Variants in ADAM19 observed in about 807,000 individuals in gnomAD.
ADAM19 encodes the protein disintegrin and metalloproteinase domain-containing protein 19.
ADAM19 carries 65 observed loss-of-function variants against 114.7 expected under a neutral mutation model. The ratio of observed to expected loss-of-function variants is 0.57; its 90% CI spans 0.46 to 0.70. The LOEUF is 0.70. Among genes scored for constraint, ADAM19 ranks in the 30% least tolerant of loss-of-function variants. The pLI is 0.00. For synonymous variants in ADAM19, 466 were observed against 460.5 expected (o/e 1.01, Z -0.15); for missense variants, 1,063 against 1,204.7 (o/e 0.88, Z 1.74).
At chr5:157,554,421 C>T (rs899049096) in intron 3 of ADAM19, among the ~76,000 whole-genome samples, 1 of 152,234 alleles carries the variant, frequency 6.6e-6, no homozygotes, top group Admixed American at 6.5e-5. Context: ...GGAAGGAGAG[C>T]CGGAACCAGT....
intron 14 of ADAM19, among the ~76,000 whole-genome samples, chr5:157,495,174 TA>T (rs1207442867): frequency 2.0e-5 from 3 of 152,198 alleles, no homozygotes; most frequent in South Asian, 2.1e-4. Context: ...TTTATTTATT[TA>T]TTTTTTTTGT....
intron 5 of ADAM19, among the ~76,000 whole-genome samples, chr5:157,523,449 C>T (rs565581263): frequency 1.4e-4 from 22 of 152,044 alleles, no homozygotes; most frequent in Non-Finnish European, 2.6e-4. Context: ...CTTGGTGCAT[C>T]CTGGTGGTAA....
At position 157,481,007 on chromosome 5, in the gene ADAM19, G is replaced by A. The variant is rs1754729083; in HGVS notation, c.2704-5C>T. On this transcript the variant is annotated splice_region_variant and splice_polypyrimidine_tract_variant and intron_variant, in intron 22 of 22. Transcript: ENST00000257527. Reference sequence around the variant, plus strand: ...CTGTGATCTGTATTCTGGAAACTGGGAAGAAAAAGAAGGGAGGGAGAGAGA... The same window carrying A: ...CTGTGATCTGTATTCTGGAAACTGGAAAGAAAAAGAAGGGAGGGAGAGAGA... The A allele has an allele frequency of 6.2e-7, 1 of 1,613,984 alleles. No individual in the cohort carries two copies. The highest frequency in any genetic ancestry group is 1.1e-5 in the South Asian group (1 of 91,080).
At chr5:157,566,971 A>C (rs955812500) in intron 2 of ADAM19, among the ~76,000 whole-genome samples, 6 of 152,208 alleles carry the variant, frequency 3.9e-5, no homozygotes, top group Non-Finnish European at 5.9e-5. Flanking sequence ...CTCATCCAGC[A>C]GATAAATTCT....
intron 5 of ADAM19, among the ~76,000 whole-genome samples, chr5:157,523,651 G>A (rs907766323): frequency 7.9e-5 from 12 of 152,192 alleles, no homozygotes; most frequent in Non-Finnish European, 1.5e-4. Flanking sequence ...AGATGCTGGT[G>A]TCATGCTTCT....
At position 157,479,869 on chromosome 5, in the gene ADAM19, A is replaced by C; in HGVS notation, c.*1080T>G. The C allele has an allele frequency of 2.0e-6, 2 of 985,672 alleles. No individual in the cohort carries two copies. Among genetic ancestry groups the C allele is most frequent in the Non-Finnish European group, 2.4e-6 (2 of 830,008 alleles). The allele number at this position is 985,672 out of a possible 1,614,324, so 61.1% of individuals were successfully genotyped here. A position where few individuals can be genotyped will look rare whatever the true frequency, so the allele number is the denominator to read the frequency against. ...ACTTTGTAAATAGCTGGGCTCCCTA[A>C]GGGGAAACCTCACCTAGATTTAGCT... On this transcript the variant is annotated 3_prime_UTR_variant, in exon 23 of 23. Coordinates refer to ENST00000257527, the MANE Select transcript of ADAM19 (RefSeq NM_033274.5).
rs1284023577 is a variant in ADAM19, at chr5:157,478,496, C to T, written c.*2453G>A. The T allele has an allele frequency of 4.5e-6, 4 of 879,580 alleles. No individual in the cohort carries two copies. Among genetic ancestry groups the T allele is most frequent in the Non-Finnish European group, 5.5e-6 (4 of 733,656 alleles). 54.5% of individuals were successfully genotyped at this position (879,580 alleles called of 1,614,324 possible). A position where few individuals can be genotyped will look rare whatever the true frequency, so the allele number is the denominator to read the frequency against. On this transcript the variant is annotated 3_prime_UTR_variant, in exon 23 of 23. Transcript: ENST00000257527. The stretch of plus-strand genomic sequence containing the variant: ...TCTCCCTTTTGCAATATTCCCTTTC[C>T]CCTTCTGCAATCGTGCTTTGGAATA...
intron 3 of ADAM19, among the ~76,000 whole-genome samples, 173 bp downstream of exon 3, chr5:157,564,200 G>T (rs909668947): frequency 1.3e-5 from 2 of 152,224 alleles, no homozygotes; most frequent in African/African-American, 4.8e-5. Context: ...CTCACATCGA[G>T]TCAAGAGGCT....
At chr5:157,525,571 C>T (rs1315113915) in intron 5 of ADAM19, among the ~76,000 whole-genome samples, 1 of 152,146 alleles carries the variant, frequency 6.6e-6, no homozygotes, top group African/African-American at 2.4e-5. Flanking sequence ...CTGACCTCAC[C>T]CCCACTGACC....
chr5:157,559,159 T>C (rs1207578158), intron 3 of ADAM19, among the ~76,000 whole-genome samples: 1 of 152,036 alleles, frequency 6.6e-6, no homozygotes, highest in African/African-American at 2.4e-5. Flanking sequence ...GTAGACATAC[T>C]CACAAAAGAA....
intron 6 of ADAM19, 51 bp downstream of exon 6, chr5:157,519,788 G>T (rs757718685): frequency 1.3e-6 from 2 of 1,527,412 alleles, no homozygotes; most frequent in South Asian, 1.2e-5. Flanking sequence ...ACCTCAGAGG[G>T]GACAAGCCTG....
chr5:157,507,193 C>A, intron 9 of ADAM19, 53 bp from the exon 10 acceptor site: 1 of 1,566,072 alleles, frequency 6.4e-7, no homozygotes, highest in South Asian at 1.1e-5. Context: ...GAGGGCTGTT[C>A]CAATGTGCCT....
chr5:157,488,277 G>C lies in ADAM19; in HGVS notation c.2538C>G (p.Cys846Trp). Residue 846 changes from cysteine (C) to tryptophan (W), a missense_variant, in exon 21 of 23, where the codon TGC becomes TGG. Coordinates refer to ENST00000257527, the MANE Select transcript of ADAM19 (RefSeq NM_033274.5). ...PSRPIPPAPNCIVSQDFSRPR... is the reference protein window; with the variant it reads ...PSRPIPPAPNWIVSQDFSRPR... ...ATTATCCACTTACCTGGGAAACGAT[G>C]CAATTTGGTGCGGGGGGAATTGGCC... is the stretch of plus-strand genomic sequence containing the variant. 6.2e-7 allele frequency: 1 copy of C among 1,613,168 alleles called. No homozygotes were observed. Among genetic ancestry groups the C allele is most frequent in the Non-Finnish European group, 8.5e-7 (1 of 1,179,202 alleles).
chr5:157,493,008 GC>G lies in ADAM19; in HGVS notation c.1872del (p.Leu625TrpfsTer2), dbSNP rs1755226199. The G allele has an allele frequency of 6.2e-7, 1 of 1,614,118 alleles. No individual in the cohort carries two copies. The highest frequency in any genetic ancestry group is 8.5e-7 in the Non-Finnish European group (1 of 1,180,054). On this transcript the variant is annotated frameshift_variant, in exon 16 of 23. Transcript: ENST00000257527. LOFTEE classifies it high-confidence loss of function. ...CCACACTTGGTTCCAGTCATCACCAGCCCTGGGTCCAGCATGTCACCCTCCT... is the reference window on the plus strand; with the variant it reads ...CCACACTTGGTTCCAGTCATCACCAGCCTGGGTCCAGCATGTCACCCTCCT... ...PEEEGDMLDP[G>X]LVMTGTKCGY... is the part of the protein sequence containing the mutation.
intron 1 of ADAM19, among the ~76,000 whole-genome samples, chr5:157,573,733 G>A (rs1226149649): frequency 7.1e-6 from 1 of 141,518 alleles, no homozygotes; most frequent in Non-Finnish European, 1.5e-5. Flanking sequence ...GCAACAGATA[G>A]AGACTCTGAA....
intron 5 of ADAM19, among the ~76,000 whole-genome samples, chr5:157,521,504 C>T (rs1232825831): frequency 1.3e-5 from 2 of 152,190 alleles, no homozygotes; most frequent in Non-Finnish European, 2.9e-5. Context: ...CCAGATTTTG[C>T]CCTTTGGGAA....
Position 157,494,673 on chromosome 5 carries a change from C to T in ADAM19, c.1703+14G>A. 1 of 1,606,556 alleles carries T rather than the reference C, an allele frequency of 6.2e-7. No homozygotes were observed. The highest frequency in any genetic ancestry group is 1.1e-5 in the South Asian group (1 of 90,816). On this transcript the variant is annotated intron_variant, in intron 15 of 22. Coordinates refer to ENST00000257527, the MANE Select transcript of ADAM19 (RefSeq NM_033274.5). The stretch of plus-strand genomic sequence containing the variant: ...TTCATCCTCATTTCATGAGGCCTGC[C>T]CTTTGGTCATCACCTCATGTTGCAC...
intron 3 of ADAM19, among the ~76,000 whole-genome samples, chr5:157,548,274 T>C (rs959914971): frequency 6.6e-6 from 1 of 152,180 alleles, no homozygotes; most frequent in Admixed American, 6.5e-5. Flanking sequence ...CATTGTTCTG[T>C]AACTGTTTAA....
chr5:157,533,090 T>C (rs1251490581), intron 4 of ADAM19, among the ~76,000 whole-genome samples: 1 of 151,878 alleles, frequency 6.6e-6, no homozygotes, highest in Non-Finnish European at 1.5e-5. Flanking sequence ...GCTGTGCCAA[T>C]GCTCCAGCAT....
Sources: allele counts gnomAD v4.1 joint callset (sites outside exome capture counted in the v4.1 genomes callset), GRCh38; gene constraint gnomAD v4.1.1; transcripts MANE v1.5; gene names NCBI Gene and HGNC (gene_info 2026-07-23, HGNC 2026-07-21).